Variants in CFAP77 observed in about 807,000 individuals in gnomAD.
The protein encoded by CFAP77 is cilia- and flagella-associated protein 77.
A neutral mutation model predicts 31.1 loss-of-function variants in CFAP77; 25 were observed. The ratio of observed to expected loss-of-function variants is 0.80; its 90% CI spans 0.59 to 1.12. The LOEUF (loss-of-function observed/expected upper bound fraction) is 1.12. CFAP77 is among the 50% of genes most tolerant of loss of function. The probability of loss-of-function intolerance (pLI) is 0.00; values close to 1 mark genes in which losing one functional copy is unlikely to be tolerated. For synonymous variants in CFAP77, 151 were observed against 159.9 expected (o/e 0.94, Z 0.42); for missense variants, 377 against 397.3 (o/e 0.95, Z 0.44).
chr9:132,491,567 T>A (rs1039461413), intron 1 of CFAP77, among the ~76,000 whole-genome samples: 30 of 152,208 alleles, frequency 2.0e-4, no homozygotes, highest in African/African-American at 7.2e-4. Flanking sequence ...ATGATGTTTG[T>A]TTTTACCTGC....
intron 1 of CFAP77, among the ~76,000 whole-genome samples, chr9:132,470,128 C>T (rs1851229268): frequency 6.6e-6 from 1 of 152,122 alleles, no homozygotes; most frequent in Admixed American, 6.6e-5. Context: ...CGTGAGCCAC[C>T]ACACCTGGCC....
chr9:132,509,940 C>T (rs932069449), intron 3 of CFAP77, among the ~76,000 whole-genome samples: 1 of 152,194 alleles, frequency 6.6e-6, no homozygotes, highest in Non-Finnish European at 1.5e-5. Flanking sequence ...TCCTGCTGCT[C>T]CTTCCTCCTT....
chr9:132,472,108 A>G (rs780150032), intron 1 of CFAP77, among the ~76,000 whole-genome samples: 2 of 151,112 alleles, frequency 1.3e-5, no homozygotes, highest in Non-Finnish European at 2.9e-5. Context: ...CCATGATTCC[A>G]TCCCACCACC....
intron 5 of CFAP77, among the ~76,000 whole-genome samples, chr9:132,555,467 G>T (rs1852887886): frequency 6.6e-6 from 1 of 152,210 alleles, no homozygotes. Flanking sequence ...CTCAGCAAAG[G>T]ACTTAATTTG....
chr9:132,572,914 C>T lies in CFAP77; in HGVS notation c.*404C>T, dbSNP rs904656141. On this transcript the variant is annotated 3_prime_UTR_variant, in exon 6 of 6. Transcript: ENST00000393216. ...TGTGTATTTGCTGCAGAAAGCATGA[C>T]AGTGACGTGCTTTGAAAGCCCTCAT... is the stretch of plus-strand genomic sequence containing the variant. 1.6e-5 allele frequency: 3 copies of T among 188,662 alleles called. No individual in the cohort carries two copies. Among genetic ancestry groups the T allele is most frequent in the African/African-American group, 7.0e-5 (3 of 42,742 alleles). The allele number at this position is 188,662 out of a possible 1,614,324, so 11.7% of individuals were successfully genotyped here. A position where few individuals can be genotyped will look rare whatever the true frequency, so the allele number is the denominator to read the frequency against.
chr9:132,554,075 G>A lies in CFAP77; in HGVS notation c.732+11028G>A, dbSNP rs994213971. 3.9e-5 allele frequency among the ~76,000 whole-genome samples: 6 copies of A among 152,204 alleles called. No individual in the cohort carries two copies. Among genetic ancestry groups the A allele is most frequent in the African/African-American group, 1.2e-4 (5 of 41,456 alleles). On this transcript the variant is annotated intron_variant, in intron 5 of 5. Coordinates refer to ENST00000393216, the MANE Select transcript of CFAP77 (RefSeq NM_001282957.2). The surrounding 1 kb of genome is among the most constrained non-coding windows in gnomAD (Gnocchi z 4.1). ...GGGTAGTATGACCCTTACTTTGCAGGTGAGAAACTGAGGCCCCTGGTCACA... is the reference window on the plus strand; with the variant it reads ...GGGTAGTATGACCCTTACTTTGCAGATGAGAAACTGAGGCCCCTGGTCACA...
At chr9:132,438,541 A>ATATATATATATATATATATTTTTTTTTTT in intron 1 of CFAP77, among the ~76,000 whole-genome samples, 3 of 108,128 alleles carry the variant, frequency 2.8e-5, no homozygotes, top group African/African-American at 1.2e-4. Context: ...ATATATATAT[A>ATATATATATATATATATATTTTTTTTTTT]TTTTTTTTTT....
chr9:132,519,127 C>T (rs981425536), intron 3 of CFAP77, among the ~76,000 whole-genome samples: 8 of 151,386 alleles, frequency 5.3e-5, no homozygotes, highest in African/African-American at 1.7e-4. Flanking sequence ...TTCAGACATA[C>T]CATTAATGCT....
At chr9:132,466,875 C>T (rs1482819421) in intron 1 of CFAP77, among the ~76,000 whole-genome samples, 6 of 152,296 alleles carry the variant, frequency 3.9e-5, no homozygotes, top group African/African-American at 1.4e-4. Context: ...CCTTTGTTTT[C>T]ATTTCAAATT....
In CFAP77 at chr9:132,452,969, A is replaced by G. The variant is rs545761508; in HGVS notation, c.195+42503A>G. On this transcript the variant is annotated intron_variant, in intron 1 of 5. Coordinates refer to ENST00000393216, the MANE Select transcript of CFAP77 (RefSeq NM_001282957.2). ...CTGCCATTAAGCAGAGTTAATGGCA[A>G]TAAATTCTGCCATTGTATTTCTTGG... 3.2e-4 allele frequency among the ~76,000 whole-genome samples: 48 copies of G among 152,336 alleles called. No homozygotes were observed. The South Asian group carries it at 8.5e-3, about 27-fold the overall frequency.
chr9:132,515,642 G>A (rs1041899379), intron 3 of CFAP77, among the ~76,000 whole-genome samples: 1 of 152,120 alleles, frequency 6.6e-6, no homozygotes, highest in African/African-American at 2.4e-5. Context: ...CTCCTGGAAA[G>A]GAGGAATTCC....
Position 132,497,975 on chromosome 9 carries a change from G to A in CFAP77, c.196-720G>A, listed in dbSNP as rs1207237240. ...GCGATGCCCTGCCCAGCGCTTGGGG[G>A]CCGGGGATATCGACCCTGCCTCTCT... is the stretch of plus-strand genomic sequence containing the variant. On this transcript the variant is annotated intron_variant, in intron 1 of 5. Coordinates refer to ENST00000393216, the MANE Select transcript of CFAP77 (RefSeq NM_001282957.2). This position sits in a 1 kb window ranked among gnomAD's most constrained non-coding sequence, Gnocchi z 4.9. Among the ~76,000 whole-genome samples the A allele has an allele frequency of 1.3e-5, 2 of 152,188 alleles. No individual in the cohort carries two copies. The highest frequency in any genetic ancestry group is 1.9e-4 in the East Asian group (1 of 5,186).
At chr9:132,471,146 T>C (rs904276647) in intron 1 of CFAP77, among the ~76,000 whole-genome samples, 1 of 152,138 alleles carries the variant, frequency 6.6e-6, no homozygotes, top group African/African-American at 2.4e-5. Flanking sequence ...AGGCATATGA[T>C]CCAGAGGTTC....
intron 1 of CFAP77, among the ~76,000 whole-genome samples, chr9:132,496,542 G>T (rs112473494): frequency 6.6e-6 from 1 of 152,220 alleles, no homozygotes; most frequent in Non-Finnish European, 1.5e-5. Flanking sequence ...GCTACTTTCT[G>T]TCTCTGGATT....
chr9:132,572,575 A>T lies in CFAP77; in HGVS notation c.*65A>T, dbSNP rs1472182002. 1 of 1,513,734 alleles carries T rather than the reference A, an allele frequency of 6.6e-7. No individual in the cohort carries two copies. Among genetic ancestry groups the T allele is most frequent in the African/African-American group, 1.4e-5 (1 of 72,466 alleles). The allele number at this position is 1,513,734 out of a possible 1,614,324, so 93.8% of individuals were successfully genotyped here. ...TGGAAAATTCCCAGAAGGACTCCCT[A>T]TCTTGCCCCAACCCTGACATTCCCC... On this transcript the variant is annotated 3_prime_UTR_variant, in exon 6 of 6. Transcript: ENST00000393216.
At chr9:132,536,103 A>G (rs1852537891) in intron 3 of CFAP77, among the ~76,000 whole-genome samples, 2 of 152,092 alleles carry the variant, frequency 1.3e-5, no homozygotes, top group African/African-American at 4.8e-5. Flanking sequence ...TCTATCTTAT[A>G]TATATGGGGG....
rs1851421928 is a variant in CFAP77 at position 132,480,169 on chromosome 9, C to T, written c.196-18526C>T. Among the ~76,000 whole-genome samples, 2 of 152,178 alleles carry T rather than the reference C, an allele frequency of 1.3e-5. No homozygotes were observed. ...TCCTCGGCTGCTCTCCTGGACCGCC[C>T]TCCCCAGGAGCCACCAGACTCCCTC... On this transcript the variant is annotated intron_variant, in intron 1 of 5. Coordinates refer to ENST00000393216, the MANE Select transcript of CFAP77 (RefSeq NM_001282957.2). This position sits in a 1 kb window ranked among gnomAD's most constrained non-coding sequence, Gnocchi z 5.8.
chr9:132,525,926 C>A (rs1016798077), intron 3 of CFAP77, among the ~76,000 whole-genome samples: 1 of 152,140 alleles, frequency 6.6e-6, no homozygotes, highest in Non-Finnish European at 1.5e-5. Context: ...AGTGGTATTC[C>A]ATGGTATGGA....
chr9:132,548,679 C>A (rs13286153), intron 5 of CFAP77, among the ~76,000 whole-genome samples: 1 of 128,702 alleles, frequency 7.8e-6, no homozygotes, highest in African/African-American at 2.9e-5. Flanking sequence ...TGTTGGCTGG[C>A]GGGGGGGTCT....
Sources: allele counts gnomAD v4.1 joint callset (sites outside exome capture counted in the v4.1 genomes callset), GRCh38; gene constraint gnomAD v4.1.1; non-coding constraint Gnocchi (gnomAD v3.1); transcripts MANE v1.5; gene names NCBI Gene and HGNC (gene_info 2026-07-23, HGNC 2026-07-21).